The following SLC24A2 variants were observed in gnomAD, a reference collection of about 807,000 sequenced individuals.
SLC24A2 encodes the protein solute carrier family 24 member 2.
A neutral mutation model predicts 62.0 loss-of-function variants in SLC24A2; 36 were observed. The ratio of observed to expected loss-of-function variants is 0.58; its 90% CI spans 0.44 to 0.77. The LOEUF (loss-of-function observed/expected upper bound fraction) is 0.77. SLC24A2 is among the 30% of genes least tolerant of loss of function. SLC24A2 has a pLI of 0.00. For synonymous variants in SLC24A2, 358 were observed against 294.0 expected (o/e 1.22, Z -2.23); for missense variants, 846 against 817.9 (o/e 1.03, Z -0.42).
At chr9:19,527,345 G>A (rs990399748) in intron 9 of SLC24A2, among the ~76,000 whole-genome samples, 6 of 152,094 alleles carry the variant, frequency 3.9e-5, no homozygotes, top group African/African-American at 1.4e-4. Context: ...TTCTTTATCT[G>A]TAAACTGTGG....
At chr9:19,684,938 C>T (rs1564036332) in intron 2 of SLC24A2, among the ~76,000 whole-genome samples, 1 of 152,058 alleles carries the variant, frequency 6.6e-6, no homozygotes, top group Non-Finnish European at 1.5e-5. Flanking sequence ...TATAATTCTA[C>T]ACCTGGAAAA....
intron 7 of SLC24A2, among the ~76,000 whole-genome samples, chr9:19,552,560 C>A (rs368496077): frequency 3.9e-5 from 6 of 151,902 alleles, no homozygotes; most frequent in African/African-American, 1.5e-4. Context: ...CCCTGAAGAC[C>A]CATCAAGCTG....
the SLC24A2 span, chr9:19,895,892 G>A: frequency 2.2e-5 from 36 of 1,613,238 alleles, no homozygotes; most frequent in Middle Eastern, 1.7e-4. Context: ...AGTGTGATGC[G>A]CCGGGCAGGG....
At chr9:19,808,964 G>C in the SLC24A2 span, among the ~76,000 whole-genome samples, 1 of 152,110 alleles carries the variant, frequency 6.6e-6, no homozygotes, top group Non-Finnish European at 1.5e-5. This position sits in a 1 kb window ranked among gnomAD's most constrained non-coding sequence, Gnocchi z 4.1. Context: ...TTAATGCCTA[G>C]ATCATAATAA....
the SLC24A2 span, among the ~76,000 whole-genome samples, chr9:20,108,053 C>A: frequency 6.6e-6 from 1 of 152,206 alleles, no homozygotes; most frequent in Non-Finnish European, 1.5e-5. Flanking sequence ...TGAACAGACA[C>A]TTCACAAAAG....
chr9:20,121,811 CAT>C, the SLC24A2 span, among the ~76,000 whole-genome samples: 1 of 152,294 alleles, frequency 6.6e-6, no homozygotes, highest in East Asian at 1.9e-4. Flanking sequence ...GTCCTTAACA[CAT>C]ACATCTTGGA....
chr9:19,544,570 G>A (rs1180589997), intron 8 of SLC24A2, among the ~76,000 whole-genome samples: 1 of 152,158 alleles, frequency 6.6e-6, no homozygotes, highest in Non-Finnish European at 1.5e-5. Flanking sequence ...GCTGGTTCCA[G>A]TTGTTCCTCT....
At chr9:20,042,981 T>A in the SLC24A2 span, among the ~76,000 whole-genome samples, 1 of 152,190 alleles carries the variant, frequency 6.6e-6, no homozygotes, top group African/African-American at 2.4e-5. Context: ...ATTTCTCTCC[T>A]TCTCCTTGGG....
the SLC24A2 span, among the ~76,000 whole-genome samples, chr9:20,102,986 T>A: frequency 1.3e-5 from 2 of 152,152 alleles, no homozygotes; most frequent in Non-Finnish European, 2.9e-5. Context: ...ACTGGGTCAC[T>A]CCCACCCTAA....
the SLC24A2 span, among the ~76,000 whole-genome samples, chr9:20,191,300 C>T: frequency 2.6e-5 from 4 of 151,738 alleles, no homozygotes; most frequent in African/African-American, 9.7e-5. Flanking sequence ...CTTACTGTTT[C>T]TGCGGACATA....
the SLC24A2 span, among the ~76,000 whole-genome samples, chr9:19,877,160 T>A: frequency 9.3e-5 from 14 of 151,204 alleles, no homozygotes; most frequent in Non-Finnish European, 2.1e-4. Flanking sequence ...CCTCCCTTTT[T>A]ATTGGGCCCC....
chr9:19,577,570 C>G (rs534254712), intron 5 of SLC24A2, among the ~76,000 whole-genome samples: 3 of 152,190 alleles, frequency 2.0e-5, no homozygotes, highest in South Asian at 2.1e-4. Context: ...TGTTTCTAAA[C>G]GAGTAAGGAA....
the SLC24A2 span, among the ~76,000 whole-genome samples, chr9:20,191,436 C>G: frequency 6.6e-6 from 1 of 151,798 alleles, no homozygotes; most frequent in Non-Finnish European, 1.5e-5. Flanking sequence ...ATAATCCTCA[C>G]CAGGGATAAG....
At chr9:19,950,794 C>G in the SLC24A2 span, among the ~76,000 whole-genome samples, 1 of 152,064 alleles carries the variant, frequency 6.6e-6, no homozygotes, top group African/African-American at 2.4e-5. Flanking sequence ...ACTATGTTTC[C>G]TAATTACTAG....
At chr9:19,837,178 T>A in the SLC24A2 span, among the ~76,000 whole-genome samples, 1 of 151,742 alleles carries the variant, frequency 6.6e-6, no homozygotes, top group Non-Finnish European at 1.5e-5. Context: ...AAGGGCCGGG[T>A]GCGGTGGCTC....
intron 7 of SLC24A2, among the ~76,000 whole-genome samples, chr9:19,555,421 G>C (rs1432537853): frequency 1.3e-5 from 2 of 152,140 alleles, no homozygotes; most frequent in South Asian, 4.1e-4. Context: ...TTTGTAACCT[G>C]TACCCAACAA....
intron 2 of SLC24A2, among the ~76,000 whole-genome samples, chr9:19,630,673 T>C (rs895848600): frequency 5.3e-5 from 8 of 152,256 alleles, no homozygotes; most frequent in African/African-American, 1.7e-4. Context: ...AATTTCCATA[T>C]AGGCAAAAAA....
the SLC24A2 span, among the ~76,000 whole-genome samples, chr9:19,983,313 A>G: frequency 6.6e-6 from 1 of 152,164 alleles, no homozygotes; most frequent in Non-Finnish European, 1.5e-5. Flanking sequence ...GAGCTACTAG[A>G]CTTCAGCTAA....
At chr9:19,697,165 G>C (rs910043843) in intron 2 of SLC24A2, among the ~76,000 whole-genome samples, 2 of 152,272 alleles carry the variant, frequency 1.3e-5, no homozygotes, top group African/African-American at 4.8e-5. Context: ...ACCTACACAA[G>C]TGATTGCATC....
Sources: gnomAD v4.1 joint callset for allele counts (sites outside exome capture counted in the v4.1 genomes callset) on GRCh38, gnomAD v4.1.1 for gene constraint, Gnocchi (gnomAD v3.1) non-coding constraint, MANE v1.5 for transcripts, NCBI Gene and HGNC (gene_info 2026-07-23, HGNC 2026-07-21) for gene names.